Variants in CENPQ observed in about 807,000 individuals in gnomAD.
CENPQ encodes centromere protein Q.
A neutral mutation model predicts 36.6 loss-of-function variants in CENPQ; 27 were observed. The ratio of observed to expected loss-of-function variants is 0.74; its 90% CI spans 0.54 to 1.02. CENPQ has a LOEUF of 1.02. Among genes scored for constraint, CENPQ ranks in the 50% least tolerant of loss-of-function variants. The pLI is 0.00. For synonymous variants in CENPQ, 101 were observed against 101.7 expected (o/e 0.99, Z 0.04); for missense variants, 306 against 301.8 (o/e 1.01, Z -0.10).
rs1017994157 is a variant in CENPQ, at chr6:49,492,796, C to T, written c.*521C>T. ...TTGGGAAGTAGTTAAGATATGCCTG[C>T]TATCTTTAACTTTGGAGGTAGTATC... is the stretch of plus-strand genomic sequence containing the variant. On this transcript the variant is annotated 3_prime_UTR_variant, in exon 9 of 9. Coordinates refer to ENST00000335783, the MANE Select transcript of CENPQ (RefSeq NM_018132.4). The T allele has an allele frequency of 1.3e-5, 2 of 152,404 alleles. No homozygotes were observed. Among genetic ancestry groups the T allele is most frequent in the Admixed American group, 6.6e-5 (1 of 15,258 alleles). 9.4% of individuals were successfully genotyped at this position (152,404 alleles called of 1,614,324 possible). A position where few individuals can be genotyped will look rare whatever the true frequency, so the allele number is the denominator to read the frequency against.
intron 5 of CENPQ, among the ~76,000 whole-genome samples, chr6:49,480,634 T>A (rs1431329920): frequency 6.6e-6 from 1 of 150,888 alleles, no homozygotes; most frequent in Non-Finnish European, 1.5e-5. Context: ...TGTAATAGTC[T>A]AGAAAACATC....
chr6:49,464,165 A>G (rs1767938263), intron 1 of CENPQ, among the ~76,000 whole-genome samples: 3 of 152,220 alleles, frequency 2.0e-5, no homozygotes, highest in African/African-American at 7.2e-5. Context: ...GGTCGGTTCC[A>G]GACCAATAAA....
chr6:49,483,055 T>C (rs1197214924), intron 6 of CENPQ, among the ~76,000 whole-genome samples: 2 of 152,146 alleles, frequency 1.3e-5, no homozygotes, highest in Non-Finnish European at 2.9e-5. Context: ...TAGTCTCTTG[T>C]CTGGCCCCAC....
At chr6:49,485,384 T>A (rs1049637588) in intron 6 of CENPQ, among the ~76,000 whole-genome samples, 5 of 152,166 alleles carry the variant, frequency 3.3e-5, no homozygotes, top group African/African-American at 1.2e-4. Context: ...GAAGCATAAT[T>A]TTTTAGACTC....
At position 49,481,680 on chromosome 6, in the gene CENPQ, G is replaced by T. The variant is rs369923494; in HGVS notation, c.477+600G>T. On this transcript the variant is annotated intron_variant, in intron 6 of 8. Transcript: ENST00000335783. ...GCCGAGTGGTCTGTTTTGACAGGGCGCTGATTGGTGTATTTACAATCCCTG... is the reference window on the plus strand; with the variant it reads ...GCCGAGTGGTCTGTTTTGACAGGGCTCTGATTGGTGTATTTACAATCCCTG... Among the ~76,000 whole-genome samples the T allele has an allele frequency of 6.4e-4, 98 of 152,114 alleles. No homozygotes were observed. The South Asian group carries it at 0.018, about 28-fold the overall frequency.
At chr6:49,465,951 A>G (rs765022449) in intron 1 of CENPQ, among the ~76,000 whole-genome samples, 10 of 152,202 alleles carry the variant, frequency 6.6e-5, no homozygotes, top group African/African-American at 9.6e-5. Flanking sequence ...TTTCCAGCCT[A>G]TCTTGGCTTT....
At chr6:49,469,382 C>T (rs566121301) in intron 1 of CENPQ, among the ~76,000 whole-genome samples, 55 of 152,142 alleles carry the variant, frequency 3.6e-4, no homozygotes, top group African/African-American at 1.3e-3. Flanking sequence ...ATACATATTT[C>T]CTTGTATACT....
rs565871484 is a variant in CENPQ at position 49,488,289 on chromosome 6, C to G, written c.478-63C>G. The G allele has an allele frequency of 1.1e-5, 14 of 1,269,656 alleles. No individual in the cohort carries two copies. The South Asian group carries it at 1.9e-4, about 17-fold the overall frequency. 78.6% of individuals were successfully genotyped at this position (1,269,656 alleles called of 1,614,324 possible). ...TTAAAATGTGTATGTATAACAATAT[C>G]TATTAGGATTTAATATAATAATGTG... On this transcript the variant is annotated intron_variant, in intron 6 of 8. Coordinates refer to ENST00000335783, the MANE Select transcript of CENPQ (RefSeq NM_018132.4).
chr6:49,471,943 G>A (rs1768144912), intron 3 of CENPQ, 120 bp from the exon 4 acceptor site: 1 of 1,145,724 alleles, frequency 8.7e-7, no homozygotes, highest in African/African-American at 1.6e-5. Flanking sequence ...AGTTTATACA[G>A]CTTTATAATA....
In CENPQ at chr6:49,469,411, C is replaced by T. The variant is rs565036752; in HGVS notation, c.-18-748C>T. Among the ~76,000 whole-genome samples the T allele has an allele frequency of 1.2e-3, 188 of 152,266 alleles. 1 individual carries two copies. Among genetic ancestry groups the T allele is most frequent in the Non-Finnish European group, 1.9e-3 (132 of 68,014 alleles). On this transcript the variant is annotated intron_variant, in intron 1 of 8. Transcript: ENST00000335783. Reference sequence around the variant, plus strand: ...GTATACTGCACCTAACTTCTATCCACTTCTTATGGTGTAATGCAAGAATAA... The same window carrying T: ...GTATACTGCACCTAACTTCTATCCATTTCTTATGGTGTAATGCAAGAATAA...
At chr6:49,463,998 G>GT (rs1767932251) in intron 1 of CENPQ, among the ~76,000 whole-genome samples, 1 of 152,008 alleles carries the variant, frequency 6.6e-6, no homozygotes, top group African/African-American at 2.4e-5. Flanking sequence ...AACACGCCAG[G>GT]TTTTTTGTGT....
chr6:49,472,211 C>G, intron 4 of CENPQ, 28 bp downstream of exon 4: 6 of 1,561,720 alleles, frequency 3.8e-6, no homozygotes, highest in Non-Finnish European at 5.2e-6. Flanking sequence ...CCATTTCATT[C>G]TTTTGGTTCC....
chr6:49,465,638 T>C (rs965940783), intron 1 of CENPQ, among the ~76,000 whole-genome samples: 2 of 152,266 alleles, frequency 1.3e-5, no homozygotes, highest in Admixed American at 1.3e-4. Flanking sequence ...GTTATGCAGA[T>C]AGCTTACTTC....
chr6:49,475,299 A>T (rs936698290), intron 5 of CENPQ, among the ~76,000 whole-genome samples: 1 of 152,224 alleles, frequency 6.6e-6, no homozygotes, highest in African/African-American at 2.4e-5. Flanking sequence ...AATCCAGCAT[A>T]TAAACCAAAC....
intron 6 of CENPQ, 22 bp from the exon 7 acceptor site, chr6:49,488,330 T>C: frequency 6.4e-7 from 1 of 1,557,896 alleles, no homozygotes. Flanking sequence ...GTTAAAATGT[T>C]TTTTTTCTCT....
At chr6:49,465,702 T>C (rs1240159077) in intron 1 of CENPQ, among the ~76,000 whole-genome samples, 4 of 152,238 alleles carry the variant, frequency 2.6e-5, no homozygotes, top group Non-Finnish European at 5.9e-5. Context: ...GCTACAGCTT[T>C]CTCACCTCTC....
chr6:49,468,825 C>T (rs1244154161), intron 1 of CENPQ, among the ~76,000 whole-genome samples: 1 of 152,178 alleles, frequency 6.6e-6, no homozygotes, highest in Non-Finnish European at 1.5e-5. Flanking sequence ...TGTCCCTTCA[C>T]CTGGATGCTC....
chr6:49,482,338 C>T (rs918664278), intron 6 of CENPQ, among the ~76,000 whole-genome samples: 8 of 152,272 alleles, frequency 5.3e-5, no homozygotes, highest in Admixed American at 2.0e-4. Flanking sequence ...GAGGAGGCGC[C>T]GAGAGTGAGC....
chr6:49,479,882 A>G (rs969007862), intron 5 of CENPQ, among the ~76,000 whole-genome samples: 1 of 152,192 alleles, frequency 6.6e-6, no homozygotes. Flanking sequence ...AGAAAACCAC[A>G]TAGTGCATTT....
Sources: allele counts gnomAD v4.1 joint callset (sites outside exome capture counted in the v4.1 genomes callset), GRCh38; gene constraint gnomAD v4.1.1; transcripts MANE v1.5; gene names NCBI Gene and HGNC (gene_info 2026-07-23, HGNC 2026-07-21).